The following KCNJ5 variants were observed in gnomAD, a reference collection of about 807,000 sequenced individuals.
KCNJ5 encodes the protein potassium inwardly rectifying channel subfamily J member 5.
A neutral mutation model predicts 20.2 loss-of-function variants in KCNJ5; 12 were observed. The ratio of observed to expected loss-of-function variants is 0.59; its 90% CI spans 0.38 to 0.96. The LOEUF (loss-of-function observed/expected upper bound fraction) is 0.96, where lower values mean the gene tolerates loss of function less well. Among genes scored for constraint, KCNJ5 ranks in the 40% least tolerant of loss-of-function variants. KCNJ5 has a pLI of 0.00. For synonymous variants in KCNJ5, 210 were observed against 213.9 expected (o/e 0.98, Z 0.16); for missense variants, 449 against 557.6 (o/e 0.81, Z 1.96).
chr11:128,905,226 C>T (rs1283621561), intron 1 of KCNJ5, among the ~76,000 whole-genome samples: 1 of 152,174 alleles, frequency 6.6e-6, no homozygotes, highest in East Asian at 1.9e-4. Flanking sequence ...GGGGACAGGG[C>T]CTCTGTCTCC....
Position 128,917,125 on chromosome 11 carries a change from T to A in KCNJ5, c.*394T>A. 1 of 169,444 alleles carries A rather than the reference T, an allele frequency of 5.9e-6. No individual in the cohort carries two copies. Among genetic ancestry groups the A allele is most frequent in the Non-Finnish European group, 1.3e-5 (1 of 79,112 alleles). 10.5% of individuals were successfully genotyped at this position (169,444 alleles called of 1,614,324 possible). A position where few individuals can be genotyped will look rare whatever the true frequency, so the allele number is the denominator to read the frequency against. ...ACCTTGTCCCTCATTCCTTCCACCC[T>A]GAGGCTTGCTGTGGACTCAGAGAGG... On this transcript the variant is annotated 3_prime_UTR_variant, in exon 3 of 3. Coordinates refer to ENST00000529694, the MANE Select transcript of KCNJ5 (RefSeq NM_000890.5).
chr11:128,904,508 G>A (rs1007967010), intron 1 of KCNJ5: 8 of 1,544,460 alleles, frequency 5.2e-6, no homozygotes, highest in Middle Eastern at 1.7e-4. Flanking sequence ...GGCAGCGTGC[G>A]TCCAGGGCGG....
At chr11:128,896,736 G>A (rs967637477) in intron 1 of KCNJ5, among the ~76,000 whole-genome samples, 1 of 152,044 alleles carries the variant, frequency 6.6e-6, no homozygotes, top group African/African-American at 2.4e-5. Context: ...TGACATCTGG[G>A]ATGTTTTCAC....
Position 128,911,210 on chromosome 11 carries a change from G to T in KCNJ5, c.-10-54G>T. The T allele has an allele frequency of 6.8e-7, 1 of 1,460,416 alleles. No individual in the cohort carries two copies. Among genetic ancestry groups the T allele is most frequent in the South Asian group, 1.1e-5 (1 of 87,276 alleles). The allele number at this position is 1,460,416 out of a possible 1,614,324, so 90.5% of individuals were successfully genotyped here. On this transcript the variant is annotated intron_variant, in intron 1 of 2. Transcript: ENST00000529694. The surrounding 1 kb of genome is among the most constrained non-coding windows in gnomAD (Gnocchi z 6.3). ...GGGTGGGGGTGGCCTTCCATCTTGTGTTCTAGTGAATCAGAACAGCCCACT... is the reference window on the plus strand; with the variant it reads ...GGGTGGGGGTGGCCTTCCATCTTGTTTTCTAGTGAATCAGAACAGCCCACT...
intron 1 of KCNJ5, among the ~76,000 whole-genome samples, chr11:128,898,485 G>T (rs373639730): frequency 2.0e-5 from 3 of 152,248 alleles, no homozygotes. Context: ...ATAAGTTAGC[G>T]CATGAGCAGT....
chr11:128,895,203 A>G (rs540826412), intron 1 of KCNJ5, among the ~76,000 whole-genome samples: 1 of 152,192 alleles, frequency 6.6e-6, no homozygotes, highest in African/African-American at 2.4e-5. Context: ...TGCTCACCCT[A>G]CACCTTCTCC....
Position 128,916,989 on chromosome 11 carries a change from T to C in KCNJ5, c.*258T>C, listed in dbSNP as rs61910654. On this transcript the variant is annotated 3_prime_UTR_variant, in exon 3 of 3. Coordinates refer to ENST00000529694, the MANE Select transcript of KCNJ5 (RefSeq NM_000890.5). ...GGCTAAGGGCCAGGCCAGGATGAGT[T>C]TCCCCATGGTGAATGTTACCGGATG... 1 of 447,812 alleles carries C rather than the reference T, an allele frequency of 2.2e-6. No homozygotes were observed. The allele number at this position is 447,812 out of a possible 1,614,324, so 27.7% of individuals were successfully genotyped here.
rs534946442 is a variant in KCNJ5, at chr11:128,914,313, G to A, written c.938-2096G>A. On this transcript the variant is annotated intron_variant, in intron 2 of 2. Transcript: ENST00000529694. ...GGGAGAGCGCCCACAGGCTCGTAGT[G>A]GAGGGAGCCAGTGCTATCTGCCCCG... Among the ~76,000 whole-genome samples the A allele has an allele frequency of 2.0e-5, 3 of 152,344 alleles. No homozygotes were observed. In the South Asian group the frequency reaches 6.2e-4, roughly 32 times the overall value.
At chr11:128,893,415 T>G (rs1944123982) in intron 1 of KCNJ5, among the ~76,000 whole-genome samples, 1 of 150,422 alleles carries the variant, frequency 6.6e-6, no homozygotes, top group Non-Finnish European at 1.5e-5. Flanking sequence ...TGGGGCAACA[T>G]AGCAAGACCC....
At position 128,911,213 on chromosome 11, in the gene KCNJ5, C is replaced by T; in HGVS notation, c.-10-51C>T. The T allele has an allele frequency of 6.8e-7, 1 of 1,470,420 alleles. No individual in the cohort carries two copies. Among genetic ancestry groups the T allele is most frequent in the Non-Finnish European group, 9.5e-7 (1 of 1,051,882 alleles). The allele number at this position is 1,470,420 out of a possible 1,614,324, so 91.1% of individuals were successfully genotyped here. A position where few individuals can be genotyped will look rare whatever the true frequency, so the allele number is the denominator to read the frequency against. ...TGGGGGTGGCCTTCCATCTTGTGTT[C>T]TAGTGAATCAGAACAGCCCACTTCA... On this transcript the variant is annotated intron_variant, in intron 1 of 2. Coordinates refer to ENST00000529694, the MANE Select transcript of KCNJ5 (RefSeq NM_000890.5). The surrounding 1 kb of genome is among the most constrained non-coding windows in gnomAD (Gnocchi z 6.3).
chr11:128,906,782 AC>A (rs2135994922), intron 1 of KCNJ5, among the ~76,000 whole-genome samples: 1 of 152,172 alleles, frequency 6.6e-6, no homozygotes, highest in Admixed American at 6.5e-5. Flanking sequence ...GGTCAAGCTC[AC>A]CCCAGATGAA....
chr11:128,913,264 G>A (rs1944528787), intron 2 of KCNJ5, among the ~76,000 whole-genome samples: 2 of 152,216 alleles, frequency 1.3e-5, no homozygotes. Flanking sequence ...CAGGGCAGGT[G>A]AGGCTCCTTT....
Position 128,911,769 on chromosome 11 carries a change from A to C in KCNJ5, c.496A>C (p.Ile166Leu). 1 of 1,614,200 alleles carries C rather than the reference A, an allele frequency of 6.2e-7. No individual in the cohort carries two copies. The highest frequency in any genetic ancestry group is 1.1e-5 in the South Asian group (1 of 91,076). ...CACAGAGAAGTGTCCAGAGGGGATT[A>C]TACTCCTCTTGGTCCAGGCCATCCT... is the stretch of plus-strand genomic sequence containing the variant. The part of the protein sequence containing the change: ...VITEKCPEGI[I>L]LLLVQAILGS... Residue 166 changes from isoleucine (I) to leucine (L), a missense_variant, in exon 2 of 3, where the codon ATA (isoleucine) becomes CTA (leucine). By Grantham distance (5) the Ile-to-Leu change is conservative. Transcript: ENST00000529694. This position sits in a 1 kb window ranked among gnomAD's most constrained non-coding sequence, Gnocchi z 6.3.
intron 1 of KCNJ5, chr11:128,902,791 T>C (rs1944311674): frequency 6.8e-7 from 1 of 1,472,376 alleles, no homozygotes; most frequent in East Asian, 2.3e-5. Flanking sequence ...TCAGCCTAAC[T>C]CACAACGCAG....
At chr11:128,900,937 G>A (rs1434456500) in intron 1 of KCNJ5, 1 of 152,174 alleles carries the variant, frequency 6.6e-6, no homozygotes, top group African/African-American at 2.4e-5. Flanking sequence ...TCCAATCCAG[G>A]GGGGCCAAGT....
At position 128,911,364 on chromosome 11, in the gene KCNJ5, G is replaced by A. The variant is rs951592894; in HGVS notation, c.91G>A (p.Asp31Asn). ...CAAGAAGATTCCAAAACAGGCCCGCGATTATGTCCCCATTGCCACAGACCG... is the reference window on the plus strand; with the variant it reads ...CAAGAAGATTCCAAAACAGGCCCGCAATTATGTCCCCATTGCCACAGACCG... ...DPKKIPKQAR[D>N]YVPIATDRTR... The change falls in exon 2 of 3, where the codon GAT (aspartate) becomes AAT (asparagine). Residue 31 changes from aspartate (D) to asparagine (N), a missense_variant. By Grantham distance (23) the Asp-to-Asn change is conservative (BLOSUM62 1). Around this residue, in one of 5 missense-constraint regions of KCNJ5, gnomAD observed 203 missense variants for 258.0 expected, o/e 0.79. Coordinates refer to ENST00000529694, the MANE Select transcript of KCNJ5 (RefSeq NM_000890.5). The surrounding 1 kb of genome is among the most constrained non-coding windows in gnomAD (Gnocchi z 6.3). 6.8e-6 allele frequency: 11 copies of A among 1,614,076 alleles called. No homozygotes were observed. Among genetic ancestry groups the A allele is most frequent in the African/African-American group, 1.3e-5 (1 of 74,934 alleles).
intron 1 of KCNJ5, chr11:128,904,421 A>G: frequency 1.9e-6 from 3 of 1,614,084 alleles, no homozygotes; most frequent in Non-Finnish European, 2.5e-6. Flanking sequence ...AGGGTCGTCA[A>G]TCTCATTACC....
chr11:128,902,609 C>A (rs545751134), intron 1 of KCNJ5: 1 of 1,613,372 alleles, frequency 6.2e-7, no homozygotes. Flanking sequence ...GTAGCCCAGG[C>A]GGCCCTCTCT....
At chr11:128,904,923 A>G (rs979499625) in intron 1 of KCNJ5, among the ~76,000 whole-genome samples, 4 of 152,254 alleles carry the variant, frequency 2.6e-5, no homozygotes, top group African/African-American at 9.6e-5. Context: ...TAGCTGCAAA[A>G]TGGTGCGGTT....
Sources: gnomAD v4.1 joint callset for allele counts (sites outside exome capture counted in the v4.1 genomes callset) on GRCh38, gnomAD v4.1.1 for gene constraint, gnomAD v4.1.1 regional missense constraint, Gnocchi (gnomAD v3.1) non-coding constraint, MANE v1.5 for transcripts, NCBI Gene and HGNC (gene_info 2026-07-23, HGNC 2026-07-21) for gene names.